NEDD4L: variants seen among roughly 807,000 people sequenced by gnomAD.
NEDD4L encodes E3 ubiquitin-protein ligase NEDD4-like.
In NEDD4L, 54 loss-of-function variants were observed where a neutral mutation model predicts 148.9. That is an observed-to-expected ratio of 0.36 (90% CI 0.29 to 0.45). The LOEUF (loss-of-function observed/expected upper bound fraction) is 0.45, where lower values mean the gene tolerates loss of function less well. NEDD4L is among the 20% of genes least tolerant of loss of function. The pLI is 1.00. For missense variants in NEDD4L, 856 were observed against 1,233.8 expected (o/e 0.69, Z 4.59); for synonymous variants, 433 against 440.7 (o/e 0.98, Z 0.22).
intron 5 of NEDD4L, among the ~76,000 whole-genome samples, chr18:58,281,735 T>C (rs1306440487): frequency 1.3e-5 from 2 of 152,028 alleles, no homozygotes; most frequent in African/African-American, 4.8e-5. Context: ...TTTAAAACTA[T>C]AAAATGTTGG....
At chr18:58,214,607 T>G (rs1175638993) in intron 2 of NEDD4L, among the ~76,000 whole-genome samples, 1 of 145,420 alleles carries the variant, frequency 6.9e-6, no homozygotes, top group East Asian at 2.0e-4. Flanking sequence ...GCTGCTCGGT[T>G]TGTGTGTGTG....
intron 2 of NEDD4L, among the ~76,000 whole-genome samples, chr18:58,190,856 T>C (rs2040028676): frequency 6.6e-6 from 1 of 152,218 alleles, no homozygotes; most frequent in African/African-American, 2.4e-5. Flanking sequence ...CTGGGTATGG[T>C]GGCTTACACC....
At position 58,245,493 on chromosome 18, in the gene NEDD4L, A is replaced by G. The variant is rs1245258588; in HGVS notation, c.189A>G (p.Thr63=). 6.4e-7 allele frequency: 1 copy of G among 1,555,098 alleles called. No individual in the cohort carries two copies. The highest frequency in any genetic ancestry group is 1.2e-5 in the South Asian group (1 of 85,902). Residue 63 remains threonine (T), a synonymous_variant, in exon 3 of 31, where the codon ACA becomes ACG. Transcript: ENST00000400345. ...ATAGAGAACTTGCTTTGGTCCAGAC[A>G]AAAACAATTAAAAAGGTAGGTGTCG... The part of the protein sequence containing the change: ...DENRELALVQ[T]KTIKKTLNPK...
At chr18:58,370,789 C>G (rs2046760809) in intron 23 of NEDD4L, among the ~76,000 whole-genome samples, 1 of 152,196 alleles carries the variant, frequency 6.6e-6, no homozygotes, top group African/African-American at 2.4e-5. Flanking sequence ...TCTATAAAAA[C>G]TGCTGCTGCT....
chr18:58,126,057 C>T (rs1378107605), intron 1 of NEDD4L, among the ~76,000 whole-genome samples: 3 of 152,244 alleles, frequency 2.0e-5, no homozygotes, highest in African/African-American at 4.8e-5. Context: ...GGGGCTGACT[C>T]CCTTTAGCCT....
intron 15 of NEDD4L, among the ~76,000 whole-genome samples, chr18:58,342,383 CTG>C (rs1443059158): frequency 2.0e-5 from 3 of 152,228 alleles, no homozygotes; most frequent in Non-Finnish European, 1.5e-5. Flanking sequence ...CTAAGCTTGA[CTG>C]TGTCTTAGAG....
At chr18:58,201,730 A>G (rs566036750) in intron 2 of NEDD4L, among the ~76,000 whole-genome samples, 2 of 152,080 alleles carry the variant, frequency 1.3e-5, no homozygotes, top group Non-Finnish European at 2.9e-5. Context: ...TCCCTCCTCC[A>G]TTGCCCTTTT....
chr18:58,323,154 G>A, intron 7 of NEDD4L, 78 bp from the exon 8 acceptor site: 2 of 838,700 alleles, frequency 2.4e-6, no homozygotes, highest in South Asian at 3.0e-5. Context: ...TGTGGTGGTT[G>A]GCTTTTGCTG....
chr18:58,316,278 C>T (rs898939376), intron 6 of NEDD4L, among the ~76,000 whole-genome samples: 9 of 152,192 alleles, frequency 5.9e-5, no homozygotes, highest in Admixed American at 3.9e-4. Flanking sequence ...AGCTCCCTCT[C>T]TTTTCTGCAC....
At chr18:58,172,583 T>C (rs2037644438) in intron 2 of NEDD4L, among the ~76,000 whole-genome samples, 1 of 152,170 alleles carries the variant, frequency 6.6e-6, no homozygotes, top group Non-Finnish European at 1.5e-5. Flanking sequence ...CAAGAAAGGT[T>C]TAGTAAGTTG....
intron 1 of NEDD4L, among the ~76,000 whole-genome samples, chr18:58,135,322 A>C (rs1198307407): frequency 2.0e-5 from 3 of 152,210 alleles, no homozygotes; most frequent in Non-Finnish European, 4.4e-5. Flanking sequence ...ATCTGTATTG[A>C]CTTTAGCCTC....
intron 8 of NEDD4L, 32 bp downstream of exon 8, chr18:58,323,366 C>G (rs1165238049): frequency 9.2e-7 from 1 of 1,087,516 alleles, no homozygotes; most frequent in African/African-American, 1.6e-5. Context: ...TCTCTCCTTG[C>G]CTTGAGATCA....
chr18:58,174,033 A>G (rs1410102947), intron 2 of NEDD4L, among the ~76,000 whole-genome samples: 1 of 152,188 alleles, frequency 6.6e-6, no homozygotes, highest in Non-Finnish European at 1.5e-5. Flanking sequence ...GGGGTGCCCT[A>G]GCTCACCTGT....
chr18:58,229,529 A>G (rs2148089745), intron 2 of NEDD4L, among the ~76,000 whole-genome samples: 1 of 152,350 alleles, frequency 6.6e-6, no homozygotes, highest in South Asian at 2.1e-4. Context: ...AGTACTTAAT[A>G]TAATTGTCAT....
At chr18:58,149,299 A>G in intron 1 of NEDD4L, 9 of 1,065,656 alleles carry the variant, frequency 8.4e-6, no homozygotes, top group Non-Finnish European at 9.8e-6. Flanking sequence ...TTCATAAGAC[A>G]CCTGTGATTT....
In NEDD4L at chr18:58,367,886, A is replaced by G. The variant is rs1308573450; in HGVS notation, c.2185+19A>G. The G allele has an allele frequency of 6.2e-7, 1 of 1,613,804 alleles. No homozygotes were observed. The highest frequency in any genetic ancestry group is 8.5e-7 in the Non-Finnish European group (1 of 1,179,790). On this transcript the variant is annotated intron_variant, in intron 22 of 30. Coordinates refer to ENST00000400345, the MANE Select transcript of NEDD4L (RefSeq NM_001144967.3). The stretch of plus-strand genomic sequence containing the variant: ...TTAGATGGTAAGTCTTGAAGTAATA[A>G]AAATAGGTCAGTGCTGCTTGCGGTT...
chr18:58,077,094 G>A (rs190910341), intron 1 of NEDD4L, among the ~76,000 whole-genome samples: 222 of 147,062 alleles, frequency 1.5e-3, no homozygotes, highest in Admixed American at 2.9e-3. Context: ...CAGGTAATCT[G>A]CCCGCCTCAG....
intron 2 of NEDD4L, among the ~76,000 whole-genome samples, chr18:58,173,876 T>C (rs565914507): frequency 6.6e-6 from 1 of 152,344 alleles, no homozygotes; most frequent in Admixed American, 6.5e-5. Context: ...CAGGATTCAA[T>C]TGAGAATTCT....
chr18:58,254,672 C>T (rs2048307757), intron 5 of NEDD4L, among the ~76,000 whole-genome samples: 1 of 151,670 alleles, frequency 6.6e-6, no homozygotes, highest in South Asian at 2.1e-4. Context: ...ATATGGAAGA[C>T]AATGTTTTCT....
Sources: gnomAD v4.1 joint callset for allele counts (sites outside exome capture counted in the v4.1 genomes callset) on GRCh38, gnomAD v4.1.1 for gene constraint, MANE v1.5 for transcripts, NCBI Gene and HGNC (gene_info 2026-07-23, HGNC 2026-07-21) for gene names.